Variants in NCALD observed in about 807,000 individuals in gnomAD.
NCALD encodes the protein neurocalcin-delta.
NCALD carries 10 observed loss-of-function variants against 18.6 expected under a neutral mutation model. That is an observed-to-expected ratio of 0.54 (90% CI 0.33 to 0.91). The LOEUF is 0.91. NCALD is among the 40% of genes least tolerant of loss of function. The pLI is 0.03. For synonymous variants in NCALD, 88 were observed against 87.4 expected, an observed-to-expected ratio of 1.01 and a Z score of -0.04; for missense variants, 184 against 247.6, an observed-to-expected ratio of 0.74 and a Z score of 1.72.
At chr8:101,828,440 A>G (rs1367661149) in intron 4 of NCALD, among the ~76,000 whole-genome samples, 1 of 151,586 alleles carries the variant, frequency 6.6e-6, no homozygotes, top group Non-Finnish European at 1.5e-5. Flanking sequence ...TAAACCCTTA[A>G]CCCCCGAATC....
intron 1 of NCALD, among the ~76,000 whole-genome samples, chr8:101,784,189 G>T (rs961474733): frequency 2.0e-5 from 3 of 152,228 alleles, no homozygotes; most frequent in African/African-American, 7.2e-5. Context: ...CTGACAGCTT[G>T]CTCACTCACA....
chr8:101,986,878 C>T (rs999949906), intron 2 of NCALD, among the ~76,000 whole-genome samples: 10 of 142,190 alleles, frequency 7.0e-5, no homozygotes, highest in African/African-American at 2.7e-4. Context: ...TGAGCTTGAG[C>T]CAGCCAGCTG....
At chr8:101,910,951 G>A (rs1817773417) in intron 3 of NCALD, among the ~76,000 whole-genome samples, 1 of 152,104 alleles carries the variant, frequency 6.6e-6, no homozygotes, top group Admixed American at 6.5e-5. Context: ...AAATGCACTT[G>A]CTCTGAGCTT....
At chr8:101,885,574 G>A (rs1295391636) in intron 4 of NCALD, among the ~76,000 whole-genome samples, 2 of 152,100 alleles carry the variant, frequency 1.3e-5, no homozygotes, top group African/African-American at 2.4e-5. Flanking sequence ...AATCATCCTC[G>A]TTTGGGTCTG....
In NCALD at chr8:102,023,500, G is replaced by T. The variant is rs528855935; in HGVS notation, c.-209-3211C>A. Among the ~76,000 whole-genome samples the T allele has an allele frequency of 4.6e-5, 7 of 152,348 alleles. No individual in the cohort carries two copies. In the South Asian group the frequency reaches 1.4e-3, roughly 32 times the overall value. On this transcript the variant is annotated intron_variant, in intron 1 of 6. Transcript: ENST00000311028. ...ACAAATAAATAAACAAAAATAAAAG[G>T]AGGAGAGAGGCTGCCCATTCCCAAG...
At chr8:101,886,328 T>C (rs1816673176) in intron 4 of NCALD, among the ~76,000 whole-genome samples, 1 of 152,190 alleles carries the variant, frequency 6.6e-6, no homozygotes, top group Non-Finnish European at 1.5e-5. Flanking sequence ...GTATCTGCCC[T>C]GCCCCCATTT....
chr8:101,806,443 T>G (rs1320368610), intron 4 of NCALD, among the ~76,000 whole-genome samples: 1 of 152,088 alleles, frequency 6.6e-6, no homozygotes, highest in East Asian at 1.9e-4. Context: ...AAGAAAATCA[T>G]ACTTTATGAA....
At chr8:101,878,983 C>G (rs1209007248) in intron 4 of NCALD, among the ~76,000 whole-genome samples, 1 of 152,246 alleles carries the variant, frequency 6.6e-6, no homozygotes, top group Non-Finnish European at 1.5e-5. Flanking sequence ...GTCTACGGAT[C>G]AGTCTTATCA....
chr8:102,027,881 CT>C (rs1334577703), intron 1 of NCALD, among the ~76,000 whole-genome samples: 14 of 152,276 alleles, frequency 9.2e-5, no homozygotes. Flanking sequence ...GGAAAAGCCC[CT>C]GATAAATTCA....
chr8:101,989,740 A>T (rs1732496334), intron 2 of NCALD, among the ~76,000 whole-genome samples: 1 of 152,160 alleles, frequency 6.6e-6, no homozygotes, highest in Non-Finnish European at 1.5e-5. Flanking sequence ...GGAATAAGTG[A>T]CTTATGGACT....
intron 3 of NCALD, among the ~76,000 whole-genome samples, chr8:101,902,384 CTTCT>C (rs1231602528): frequency 1.3e-5 from 2 of 151,184 alleles, no homozygotes; most frequent in African/African-American, 2.4e-5. Context: ...TAAAAAGAAA[CTTCT>C]TTCTGCTTCC....
At chr8:101,958,530 G>A (rs1166508198) in intron 2 of NCALD, among the ~76,000 whole-genome samples, 3 of 152,084 alleles carry the variant, frequency 2.0e-5, no homozygotes, top group Non-Finnish European at 4.4e-5. Context: ...ACCTGCTTAC[G>A]AAATAATAAG....
At chr8:101,866,466 C>A (rs918514405) in intron 4 of NCALD, among the ~76,000 whole-genome samples, 8 of 152,184 alleles carry the variant, frequency 5.3e-5, no homozygotes, top group African/African-American at 1.9e-4. Flanking sequence ...CAGATCTATA[C>A]CTTCAAATAC....
intron 4 of NCALD, among the ~76,000 whole-genome samples, chr8:101,814,375 TA>T (rs1285307086): frequency 6.6e-6 from 1 of 151,966 alleles, no homozygotes; most frequent in Non-Finnish European, 1.5e-5. Flanking sequence ...ATCAACAGGC[TA>T]AAAAAGAAAT....
chr8:102,073,190 A>C (rs1485491619), intron 1 of NCALD, among the ~76,000 whole-genome samples: 2 of 152,200 alleles, frequency 1.3e-5, no homozygotes, highest in Non-Finnish European at 2.9e-5. Flanking sequence ...AATCCCGGCT[A>C]CTCAGGAGGC....
intron 1 of NCALD, among the ~76,000 whole-genome samples, chr8:102,048,194 A>G (rs1823315072): frequency 6.6e-6 from 1 of 152,236 alleles, no homozygotes; most frequent in South Asian, 2.1e-4. Flanking sequence ...CAAGAAATCA[A>G]TCAAACTGGT....
chr8:101,974,692 T>G (rs1270986228), intron 2 of NCALD, among the ~76,000 whole-genome samples: 1 of 152,188 alleles, frequency 6.6e-6, no homozygotes, highest in Admixed American at 6.5e-5. Flanking sequence ...TCTGCAATTT[T>G]TGTGTGTGTT....
chr8:101,936,064 T>C (rs1385704209), intron 2 of NCALD, among the ~76,000 whole-genome samples: 1 of 152,154 alleles, frequency 6.6e-6, no homozygotes, highest in Admixed American at 6.5e-5. Context: ...GTGGAAGTTC[T>C]TTGATTGCCT....
chr8:101,690,309 G>T, intron 3 of NCALD: 1 of 984,466 alleles, frequency 1.0e-6, no homozygotes, highest in Non-Finnish European at 1.2e-6. Flanking sequence ...GAAGTGACAT[G>T]CTCGATTGGT....
Sources: allele counts gnomAD v4.1 joint callset (sites outside exome capture counted in the v4.1 genomes callset), GRCh38; gene constraint gnomAD v4.1.1; transcripts MANE v1.5; gene names NCBI Gene and HGNC (gene_info 2026-07-23, HGNC 2026-07-21).